ZZEF1: variants seen among roughly 807,000 people sequenced by gnomAD.
The protein encoded by ZZEF1 is zinc finger ZZ-type and EF-hand domain-containing protein 1.
In ZZEF1, 157 loss-of-function variants were observed where a neutral mutation model predicts 342.8. The ratio of observed to expected loss-of-function variants is 0.46; its 90% confidence interval spans 0.40 to 0.52. The LOEUF is 0.52. Among genes scored for constraint, ZZEF1 ranks in the 20% least tolerant of loss-of-function variants. The pLI is 0.00. For synonymous variants in ZZEF1, 1,505 were observed against 1,429.1 expected, an observed-to-expected ratio of 1.05 and a Z score of -1.20; for missense variants, 3,480 against 3,725.6, an observed-to-expected ratio of 0.93 and a Z score of 1.72.
chr17:4,016,582 G>A lies in ZZEF1; in HGVS notation c.8002-116C>T, dbSNP rs987553916. The stretch of plus-strand genomic sequence containing the variant: ...GCTGGCATCATCTTAGACCTAGGAC[G>A]AGCCTCTGTGACTCCACCACCCAAA... On this transcript the variant is annotated intron_variant, in intron 48 of 54. Transcript: ENST00000381638. This position sits in a 1 kb window ranked among gnomAD's most constrained non-coding sequence, Gnocchi z 4.4. The A allele has an allele frequency of 2.0e-5, 25 of 1,281,296 alleles. No homozygotes were observed. The highest frequency in any genetic ancestry group is 9.4e-5 in the South Asian group (6 of 64,146). 79.4% of individuals were successfully genotyped at this position (1,281,296 alleles called of 1,614,324 possible). A position where few individuals can be genotyped will look rare whatever the true frequency, so the allele number is the denominator to read the frequency against.
Position 4,052,134 on chromosome 17 carries a change from C to T in ZZEF1, c.5437G>A (p.Gly1813Arg), listed in dbSNP as rs779721288. The change falls in exon 35 of 55, where the codon GGG becomes AGG. Residue 1813 changes from glycine (G) to arginine (R), a missense_variant and splice_region_variant. Around this residue, in one of 5 missense-constraint regions of ZZEF1, gnomAD observed 175 missense variants for 254.6 expected, o/e 0.69. Transcript: ENST00000381638. ...TCTCCGTGGCCCTCAGGCTTCACCC[C>T]ACCTGAGGAGAAACACAGCAGTGTG... Reference protein sequence around the residue: ...MDLCKTCFLGGVKPEGHGDDH... With the variant: ...MDLCKTCFLGRVKPEGHGDDH... 6.2e-7 allele frequency: 1 copy of T among 1,610,304 alleles called. No individual in the cohort carries two copies. The highest frequency in any genetic ancestry group is 8.5e-7 in the Non-Finnish European group (1 of 1,178,206).
chr17:4,051,181 A>G, intron 35 of ZZEF1, 138 bp from the exon 36 acceptor site: 1 of 1,141,338 alleles, frequency 8.8e-7, no homozygotes, highest in South Asian at 1.4e-5. Context: ...CTGAAAATGT[A>G]AAGAAAGGTG....
At chr17:4,007,494 C>T (rs2055831088) in intron 54 of ZZEF1, among the ~76,000 whole-genome samples, 1 of 152,062 alleles carries the variant, frequency 6.6e-6, no homozygotes, top group Non-Finnish European at 1.5e-5. Flanking sequence ...TGGTGCAGTA[C>T]ACTCAACAGG....
At position 4,044,218 on chromosome 17, in the gene ZZEF1, C is replaced by G. The variant is rs769104586; in HGVS notation, c.6166+6G>C. 1 of 1,613,172 alleles carries G rather than the reference C, an allele frequency of 6.2e-7. No homozygotes were observed. Among genetic ancestry groups the G allele is most frequent in the East Asian group, 2.2e-5 (1 of 44,884 alleles). On this transcript the variant is annotated splice_donor_region_variant and intron_variant, in intron 38 of 54. Coordinates refer to ENST00000381638, the MANE Select transcript of ZZEF1 (RefSeq NM_015113.4). ...GAGATGAAGATAATGGTCAAATAGTCTTTACCTGGAAGTCCTGTAGGTGGG... is the reference window on the plus strand; with the variant it reads ...GAGATGAAGATAATGGTCAAATAGTGTTTACCTGGAAGTCCTGTAGGTGGG...
At chr17:4,140,115 T>C (rs1391992491) in intron 1 of ZZEF1, among the ~76,000 whole-genome samples, 3 of 152,242 alleles carry the variant, frequency 2.0e-5, no homozygotes, top group Admixed American at 6.5e-5. Flanking sequence ...TCCCTGATGA[T>C]GACAACACTG....
At chr17:4,013,342 C>A in intron 52 of ZZEF1, 107 bp downstream of exon 52, 1 of 1,129,174 alleles carries the variant, frequency 8.9e-7, no homozygotes. Context: ...GACATTAAAG[C>A]CACAAATGTC....
intron 11 of ZZEF1, among the ~76,000 whole-genome samples, chr17:4,092,525 C>G (rs1198218670): frequency 6.6e-6 from 1 of 151,910 alleles, no homozygotes; most frequent in Non-Finnish European, 1.5e-5. Flanking sequence ...GGTTTCTGAC[C>G]TCAAGTCCTG....
At chr17:4,077,115 G>A (rs1345268389) in intron 19 of ZZEF1, 126 bp from the exon 20 acceptor site, 6 of 894,094 alleles carry the variant, frequency 6.7e-6, no homozygotes, top group Non-Finnish European at 7.7e-6. Context: ...AAGACCACAA[G>A]GCCAGCAAGT....
Position 4,016,176 on chromosome 17 carries a change from T to C in ZZEF1, c.8145+147A>G, listed in dbSNP as rs1025501502. On this transcript the variant is annotated intron_variant, in intron 49 of 54. Transcript: ENST00000381638. This position sits in a 1 kb window ranked among gnomAD's most constrained non-coding sequence, Gnocchi z 4.4. ...CTCAGGGAGGCAGACTGCAGTTTGT[T>C]CAAGGAAGCACTTTCCTGGACAGGT... 3.3e-6 allele frequency: 3 copies of C among 922,308 alleles called. No homozygotes were observed. The highest frequency in any genetic ancestry group is 4.8e-6 in the Non-Finnish European group (3 of 622,568). The allele number at this position is 922,308 out of a possible 1,614,324, so 57.1% of individuals were successfully genotyped here.
At chr17:4,022,106 T>C (rs1024671274) in intron 44 of ZZEF1, among the ~76,000 whole-genome samples, 2 of 152,220 alleles carry the variant, frequency 1.3e-5, no homozygotes, top group African/African-American at 4.8e-5. Flanking sequence ...TTGAGAGCTG[T>C]TTCTGCAGGT....
intron 39 of ZZEF1, among the ~76,000 whole-genome samples, chr17:4,037,638 C>A (rs1417608751): frequency 6.6e-6 from 1 of 152,172 alleles, no homozygotes; most frequent in Non-Finnish European, 1.5e-5. Flanking sequence ...AACTGGAATG[C>A]AGAGGTGCAA....
chr17:4,070,383 C>A (rs188041713), intron 26 of ZZEF1, among the ~76,000 whole-genome samples: 92 of 152,262 alleles, frequency 6.0e-4, no homozygotes, highest in Non-Finnish European at 8.1e-4. Context: ...TGCACTGGGA[C>A]CAGGACCCAA....
At chr17:4,097,376 C>T (rs2058054256) in intron 9 of ZZEF1, among the ~76,000 whole-genome samples, 2 of 150,646 alleles carry the variant, frequency 1.3e-5, no homozygotes, top group South Asian at 4.2e-4. Flanking sequence ...TGGCTGATGG[C>T]TGCCTGGGCT....
At chr17:4,066,634 CCA>C (rs1444580989) in intron 27 of ZZEF1, 94 bp from the exon 28 acceptor site, 2 of 993,222 alleles carry the variant, frequency 2.0e-6, no homozygotes, top group African/African-American at 1.6e-5. Flanking sequence ...AGCACTGACA[CCA>C]CAGAGTACTT....
At chr17:4,085,549 A>G (rs929329155) in intron 16 of ZZEF1, 121 bp downstream of exon 16, 23 of 1,242,428 alleles carry the variant, frequency 1.9e-5, no homozygotes, top group African/African-American at 1.1e-4. Flanking sequence ...AAAGCTCTGC[A>G]TATAATATTA....
chr17:4,091,134 G>A (rs750306345), intron 11 of ZZEF1, among the ~76,000 whole-genome samples: 1 of 152,210 alleles, frequency 6.6e-6, no homozygotes, highest in Non-Finnish European at 1.5e-5. Context: ...GATGACTCAG[G>A]AGTAAGGTCC....
At chr17:4,077,732 TC>T (rs2057649885) in intron 19 of ZZEF1, 150 bp downstream of exon 19, 1 of 788,152 alleles carries the variant, frequency 1.3e-6, no homozygotes, top group Non-Finnish European at 2.0e-6. Flanking sequence ...GCTGTTGAAT[TC>T]TATTTTAATT....
At position 4,142,820 on chromosome 17, in the gene ZZEF1, C is replaced by T. The variant is rs1019913594; in HGVS notation, c.76G>A (p.Asp26Asn). 7.8e-6 allele frequency: 11 copies of T among 1,410,632 alleles called. No individual in the cohort carries two copies. Among genetic ancestry groups the T allele is most frequent in the Non-Finnish European group, 9.1e-6 (10 of 1,093,842 alleles). 87.4% of individuals were successfully genotyped at this position (1,410,632 alleles called of 1,614,324 possible). A position where few individuals can be genotyped will look rare whatever the true frequency, so the allele number is the denominator to read the frequency against. ...GTCGTGCCCGAGACCGCGGCCCAGT[C>T]CTGGTGTGGGCCCCAGCCCTCGCCA... ...AGGEGWGPHQ[D>N]WAAVSGTTPG... Residue 26 changes from aspartate (D) to asparagine (N), a missense_variant, in exon 1 of 55, where the codon GAC becomes AAC. By Grantham distance (23) the Asp-to-Asn change is conservative. Coordinates refer to ENST00000381638, the MANE Select transcript of ZZEF1 (RefSeq NM_015113.4).
In ZZEF1 at chr17:4,051,036, G is replaced by C; in HGVS notation, c.5608C>G (p.Pro1870Ala). Reference protein sequence around the residue: ...AAKKYSYGHLPTHSITAHPMV... With the variant: ...AAKKYSYGHLATHSITAHPMV... ...GGGTGGGCCGTGATGCTGTGGGTAG[G>C]CAAATGGCTGCAAAGGCAAGACACA... Residue 1870 changes from proline to alanine, a missense_variant, in exon 36 of 55, where the codon CCT becomes GCT. Coordinates refer to ENST00000381638, the MANE Select transcript of ZZEF1 (RefSeq NM_015113.4). 4 of 1,614,104 alleles carry C rather than the reference G, an allele frequency of 2.5e-6. No individual in the cohort carries two copies. The highest frequency in any genetic ancestry group is 3.4e-6 in the Non-Finnish European group (4 of 1,180,044).
Sources: allele counts gnomAD v4.1 joint callset (sites outside exome capture counted in the v4.1 genomes callset), GRCh38; gene constraint gnomAD v4.1.1; regional missense constraint gnomAD v4.1.1; non-coding constraint Gnocchi (gnomAD v3.1); transcripts MANE v1.5; gene names NCBI Gene and HGNC (gene_info 2026-07-23, HGNC 2026-07-21).